The following DDX51 variants were observed in gnomAD, a reference collection of about 807,000 sequenced individuals.
DDX51 encodes ATP-dependent RNA helicase DDX51.
Under a neutral mutation model 74.6 loss-of-function variants are expected in DDX51, and 67 were observed. The ratio of observed to expected loss-of-function variants is 0.90; its 90% CI spans 0.74 to 1.10. The LOEUF is 1.10. DDX51 is among the 50% of genes least tolerant of loss of function. The pLI is 0.00. For missense variants in DDX51, 1,056 were observed against 905.2 expected (o/e 1.17, Z -2.14); for synonymous variants, 545 against 402.9 (o/e 1.35, Z -4.22).
chr12:132,143,430 G>C, intron 2 of DDX51: 1 of 567,798 alleles, frequency 1.8e-6, no homozygotes, highest in Non-Finnish European at 3.1e-6. Flanking sequence ...GCGCACAGCA[G>C]GAAACCCCGC....
In DDX51 at chr12:132,139,780, G is replaced by A. The variant is rs778843273; in HGVS notation, c.1840-11C>T. 9 of 1,613,078 alleles carry A rather than the reference G, an allele frequency of 5.6e-6. 1 individual carries two copies. In the South Asian group the frequency reaches 9.9e-5, roughly 18 times the overall value. ...GAGGAATCTCCTCTCCTGGAGAGAA[G>A]CTCATGGTGGAAGGGGGTTCTTGGG... On this transcript the variant is annotated splice_polypyrimidine_tract_variant and intron_variant, in intron 13 of 14. Coordinates refer to ENST00000397333, the MANE Select transcript of DDX51 (RefSeq NM_175066.4).
In DDX51 at chr12:132,139,692, C is replaced by T. The variant is rs1246047151; in HGVS notation, c.1917G>A (p.Leu639=). The change falls in exon 14 of 15, where the codon CTG becomes CTA. Residue 639 remains leucine (L), a synonymous_variant. Coordinates refer to ENST00000397333, the MANE Select transcript of DDX51 (RefSeq NM_175066.4). ...LQRHELSSKL[L]QPLVPRYEEA... The stretch of plus-strand genomic sequence containing the variant: ...CCTCGTACCGAGGAACCAGCGGCTG[C>T]AGCAGCTTGCTGGAGAGCTCGTGCC... The T allele has an allele frequency of 2.5e-6, 4 of 1,612,904 alleles. No homozygotes were observed. The highest frequency in any genetic ancestry group is 1.1e-5 in the South Asian group (1 of 91,090).
At chr12:132,141,075 AG>A in intron 8 of DDX51, 55 bp from the exon 9 acceptor site, 1 of 1,544,572 alleles carries the variant, frequency 6.5e-7, no homozygotes, top group South Asian at 1.2e-5. Context: ...CCGAACCTCC[AG>A]GGAACAGGAT....
Position 132,142,112 on chromosome 12 carries a change from C to A in DDX51, c.888+7G>T. On this transcript the variant is annotated splice_region_variant and intron_variant, in intron 5 of 14. Transcript: ENST00000397333. ...GGTGCCACGCTCCAGGTCTAGGGTC[C>A]ACATACCTGCTGGGCCAGCTCCTTG... 1 of 1,550,838 alleles carries A rather than the reference C, an allele frequency of 6.4e-7. No individual in the cohort carries two copies. Among genetic ancestry groups the A allele is most frequent in the South Asian group, 1.2e-5 (1 of 80,156 alleles).
Position 132,140,583 on chromosome 12 carries a change from G to A in DDX51, c.1556+37C>T, listed in dbSNP as rs773000255. 16 of 1,612,766 alleles carry A rather than the reference G, an allele frequency of 9.9e-6. No homozygotes were observed. In the East Asian group the frequency reaches 1.3e-4, roughly 13 times the overall value. ...GCGGCCAAGTGATGCTGGGACCAGA[G>A]GCCACCTCTGCCACCCCCGCCCAGC... On this transcript the variant is annotated intron_variant, in intron 10 of 14. Transcript: ENST00000397333.
At position 132,138,455 on chromosome 12, in the gene DDX51, G is replaced by C. The variant is rs559508134; in HGVS notation, c.*817C>G. On this transcript the variant is annotated 3_prime_UTR_variant, in exon 15 of 15. Transcript: ENST00000397333. ...AGCCTCCCGAGTAGCTGGGACTATA[G>C]GTGCCCGCCACCACGCCCGGCTAGT... is the stretch of plus-strand genomic sequence containing the variant. 3 of 149,814 alleles carry C rather than the reference G, an allele frequency of 2.0e-5. No homozygotes were observed. Among genetic ancestry groups the C allele is most frequent in the Admixed American group, 6.6e-5 (1 of 15,042 alleles). 9.3% of individuals were successfully genotyped at this position (149,814 alleles called of 1,614,324 possible).
At position 132,142,164 on chromosome 12, in the gene DDX51, G is replaced by A. The variant is rs1157830755; in HGVS notation, c.843C>T (p.His281=). 1 of 1,554,152 alleles carries A rather than the reference G, an allele frequency of 6.4e-7. No individual in the cohort carries two copies. The highest frequency in any genetic ancestry group is 8.7e-7 in the Non-Finnish European group (1 of 1,148,982). ...VQALLSRVVC[H]IRALVVLPTK... ...TGGGCAGCACAACCAGGGCACGGAT[G>A]TGGCAGACCACTCTCGAAAGCAGGG... Residue 281 remains histidine (H), a synonymous_variant, in exon 5 of 15, where the codon CAC becomes CAT. Transcript: ENST00000397333.
At chr12:132,142,609 G>A in intron 3 of DDX51, 119 bp downstream of exon 3, 1 of 1,499,262 alleles carries the variant, frequency 6.7e-7, no homozygotes, top group Non-Finnish European at 8.9e-7. Context: ...GAGCTTGAGA[G>A]TGCTGAGACC....
At chr12:132,142,584 C>A in intron 3 of DDX51, 144 bp downstream of exon 3, 2 of 1,469,632 alleles carry the variant, frequency 1.4e-6, no homozygotes, top group Non-Finnish European at 1.8e-6. Flanking sequence ...CTCAGGAGAC[C>A]CAAGTGGGAA....
At position 132,142,872 on chromosome 12, in the gene DDX51, G is replaced by C; in HGVS notation, c.526C>G (p.Pro176Ala). The C allele has an allele frequency of 6.2e-7, 1 of 1,612,642 alleles. No individual in the cohort carries two copies. Among genetic ancestry groups the C allele is most frequent in the East Asian group, 2.2e-5 (1 of 44,886 alleles). Residue 176 changes from proline (P) to alanine (A), a missense_variant, in exon 3 of 15, where the codon CCT becomes GCT. Coordinates refer to ENST00000397333, the MANE Select transcript of DDX51 (RefSeq NM_175066.4). Reference protein sequence around the residue: ...FGKRKAPKVQPFLPRWLAEPN... With the variant: ...FGKRKAPKVQAFLPRWLAEPN... ...TCAGCCAGCCACCTTGGCAGGAAAGGCTGGACCTGCCATCAAAAAGAAAGA... is the reference window on the plus strand; with the variant it reads ...TCAGCCAGCCACCTTGGCAGGAAAGCCTGGACCTGCCATCAAAAAGAAAGA...
Sources: gnomAD v4.1 joint callset for allele counts on GRCh38, gnomAD v4.1.1 for gene constraint, MANE v1.5 for transcripts, NCBI Gene and HGNC (gene_info 2026-07-23, HGNC 2026-07-21) for gene names.